OFD1: variants seen among roughly 807,000 people sequenced by gnomAD.
OFD1 encodes the protein OFD1 centriole and centriolar satellite protein.
Under a neutral mutation model 81.4 loss-of-function variants are expected in OFD1, and 12 were observed. The ratio of observed to expected loss-of-function variants is 0.15; its 90% confidence interval spans 0.09 to 0.24. The LOEUF is 0.24. Ranked by LOEUF, OFD1 falls within the 10% of genes least tolerant of loss-of-function variation. The probability of loss-of-function intolerance (pLI) is 1.00; values close to 1 mark genes in which losing one functional copy is unlikely to be tolerated. For missense variants in OFD1, 685 were observed against 733.9 expected (o/e 0.93, Z 0.77); for synonymous variants, 256 against 263.7 (o/e 0.97, Z 0.28).
At position 13,752,982 on chromosome X, in the gene OFD1, A is replaced by G. The variant is rs2047561508; in HGVS notation, c.1056-386A>G. ...TTGGTTGGGGGTGGGCAGATGGTAC[A>G]GGTGGATTGGAAGTGACCGTCTGAT... is the stretch of plus-strand genomic sequence containing the variant. On this transcript the variant is annotated intron_variant, in intron 10 of 22. Transcript: ENST00000340096. 3.3e-6 allele frequency: 3 copies of G among 900,077 alleles called. No individual in the cohort carries two copies. In the East Asian group the frequency reaches 2.3e-4, roughly 70 times the overall value. 74.2% of individuals were successfully genotyped at this position (900,077 alleles called of 1,213,427 possible).
intron 9 of OFD1, among the ~76,000 whole-genome samples, chrX:13,750,431 A>C (rs900639937): frequency 9.0e-6 from 1 of 111,681 alleles, no homozygotes; most frequent in African/African-American, 3.3e-5. Flanking sequence ...TTCTTAGACT[A>C]GTCAGCATTT....
chrX:13,717,753 C>A, the OFD1 span, among the ~76,000 whole-genome samples: 1 of 111,535 alleles, frequency 9.0e-6, no homozygotes, highest in African/African-American at 3.3e-5. Flanking sequence ...AAAACCCAAG[C>A]CATTTTTCAA....
rs1305586965 is a variant in OFD1 at position 13,734,943 on chromosome X, C to T, written c.-129C>T. 2.7e-6 allele frequency: 3 copies of T among 1,120,514 alleles called. No individual in the cohort carries two copies. The highest frequency in any genetic ancestry group is 2.1e-5 in the South Asian group (1 of 48,470). The allele number at this position is 1,120,514 out of a possible 1,213,427, so 92.3% of individuals were successfully genotyped here. ...GTTCAGCACCTTTGTTCCTCCCGAA[C>T]CCTCGGGACAGAGGCAGGGTTCTGA... On this transcript the variant is annotated 5_prime_UTR_variant, in exon 1 of 23. Transcript: ENST00000340096.
At chrX:13,722,248 C>T in the OFD1 span, 1 of 69,148 alleles carries the variant, frequency 1.4e-5, no homozygotes, top group Non-Finnish European at 3.0e-5. Context: ...AAAGCAGCAG[C>T]AGAAGGAAAT....
At chrX:13,722,208 C>CCAAAAAAAAAAAAAAAAAAAAAAAAAAA in the OFD1 span, 2 of 36,116 alleles carry the variant, frequency 5.5e-5, 1 homozygote, top group African/African-American at 2.4e-4. Context: ...TAAGCAGCAG[C>CCAAAAAAAAAAAAAAAAAAAAAAAAAAA]AAAAAAAAAA....
intron 11 of OFD1, 120 bp from the exon 12 acceptor site, chrX:13,755,031 C>A: frequency 1.8e-6 from 1 of 544,265 alleles, no homozygotes; most frequent in Non-Finnish European, 3.2e-6. Flanking sequence ...CCCGCTACAT[C>A]TGCTATTTGG....
In OFD1 at chrX:13,760,639, G is replaced by A. The variant is rs765933982; in HGVS notation, c.2179G>A (p.Gly727Arg). The change falls in exon 16 of 23, where the codon GGG becomes AGG. Residue 727 changes from glycine (G) to arginine (R), a missense_variant. This residue lies in a region of OFD1 where 259 missense variants were observed against 254.4 expected (regional missense o/e 1.02). Coordinates refer to ENST00000340096, the MANE Select transcript of OFD1 (RefSeq NM_003611.3). ...AGGCAGTGCAGCCTCGAGGCTCCGC[G>A]GGGGCACTTCCTCCAGACGCCTCTC... ...LTGSAASRLR[G>R]GTSSRRLSST... 23 of 1,209,320 alleles carry A rather than the reference G, an allele frequency of 1.9e-5. No individual in the cohort carries two copies. Among genetic ancestry groups the A allele is most frequent in the South Asian group, 5.3e-5 (3 of 56,796 alleles).
At chrX:13,730,522 A>C (rs1407482511), upstream of OFD1, among the ~76,000 whole-genome samples, 1 of 111,754 alleles carries the variant, frequency 8.9e-6, no homozygotes, top group Non-Finnish European at 1.9e-5. Context: ...TTCCTCAAGG[A>C]TCTAGAGGTA....
chrX:13,765,051 G>T (rs1015568277), intron 19 of OFD1, among the ~76,000 whole-genome samples: 2 of 112,341 alleles, frequency 1.8e-5, no homozygotes, highest in Non-Finnish European at 3.8e-5. Flanking sequence ...AATCAACTGA[G>T]TAACTAGGTG....
At chrX:13,758,526 T>G (rs2047801629) in intron 15 of OFD1, 78 bp downstream of exon 15, 1 of 549,792 alleles carries the variant, frequency 1.8e-6, no homozygotes, top group Non-Finnish European at 3.1e-6. Context: ...TGATCATAAT[T>G]TATTGAATAT....
At chrX:13,719,112 G>A in the OFD1 span, among the ~76,000 whole-genome samples, 2 of 111,217 alleles carry the variant, frequency 1.8e-5, no homozygotes, top group Admixed American at 9.6e-5. Flanking sequence ...AGCTGAGATC[G>A]TGTCACTGCA....
chrX:13,741,600 A>G (rs113439778), intron 5 of OFD1, among the ~76,000 whole-genome samples: 2 of 111,971 alleles, frequency 1.8e-5, no homozygotes, highest in African/African-American at 6.5e-5. Flanking sequence ...GAGACCACCA[A>G]ACAGGCTTTG....
Position 13,755,960 on chromosome X carries a change from T to C in OFD1, c.1222-618T>C, listed in dbSNP as rs1319296605. On this transcript the variant is annotated intron_variant, in intron 12 of 22. Transcript: ENST00000340096. ...CCTTTCTTTCCCTTTTTTTTTTTTT[T>C]TTTTTTTTGAGACAGAGTCTTGTTC... 3.1e-5 allele frequency among the ~76,000 whole-genome samples: 3 copies of C among 95,524 alleles called. No homozygotes were observed. In the East Asian group the frequency reaches 9.5e-4, roughly 30 times the overall value. The allele number at this position is 95,524 out of a possible 115,157, so 83.0% of individuals were successfully genotyped here. A position where few individuals can be genotyped will look rare whatever the true frequency, so the allele number is the denominator to read the frequency against.
rs35839446 is a variant in OFD1 at position 13,749,121 on chromosome X, CAA to C, written c.829-288_829-287del. Among the ~76,000 whole-genome samples, 60 of 69,007 alleles carry C rather than the reference CAA, an allele frequency of 8.7e-4. No homozygotes were observed. Among genetic ancestry groups the C allele is most frequent in the South Asian group, 5.5e-3 (7 of 1,263 alleles). The allele number at this position is 69,007 out of a possible 115,157, so 59.9% of individuals were successfully genotyped here. A position where few individuals can be genotyped will look rare whatever the true frequency, so the allele number is the denominator to read the frequency against. ...TGTGTGACAGAGTGAGACCCTGTCT[CAA>C]AAAAAAAAAAAAAAAAATTTTTTTA... On this transcript the variant is annotated intron_variant, in intron 8 of 22. Transcript: ENST00000340096.
In OFD1 at chrX:13,767,175, G is replaced by A. The variant is rs1602938330; in HGVS notation, c.2648G>A (p.Arg883Gln). Residue 883 changes from arginine (R) to glutamine (Q), a missense_variant, in exon 20 of 23, where the codon CGG becomes CAG. This residue lies in a region of OFD1 where 259 missense variants were observed against 254.4 expected (regional missense o/e 1.02). Coordinates refer to ENST00000340096, the MANE Select transcript of OFD1 (RefSeq NM_003611.3). Reference sequence around the variant, plus strand: ...GAACAAAAGGAAGAAGAAAAAATACGGGAACAGCAAGTGAAAGAACGAAGG... The same window carrying A: ...GAACAAAAGGAAGAAGAAAAAATACAGGAACAGCAAGTGAAAGAACGAAGG... ...IEEQKEEEKI[R>Q]EQQVKERRQR... 4 of 1,209,838 alleles carry A rather than the reference G, an allele frequency of 3.3e-6. No homozygotes were observed. Among genetic ancestry groups the A allele is most frequent in the Non-Finnish European group, 4.5e-6 (4 of 893,841 alleles).
At chrX:13,741,821 T>A (rs893375558) in intron 5 of OFD1, among the ~76,000 whole-genome samples, 2 of 111,765 alleles carry the variant, frequency 1.8e-5, no homozygotes, top group Non-Finnish European at 3.8e-5. Context: ...AGAAGAAGAA[T>A]GTCACAAGGT....
chrX:13,761,279 G>T, intron 17 of OFD1, 68 bp downstream of exon 17: 1 of 1,051,572 alleles, frequency 9.5e-7, no homozygotes, highest in Admixed American at 2.7e-5. Context: ...GCCTTCACTT[G>T]TTTTACTGGG....
chrX:13,772,637 C>T (rs2048322149), downstream of OFD1: 5 of 319,267 alleles, frequency 1.6e-5, no homozygotes, highest in Non-Finnish European at 2.8e-5. Context: ...AAAGTATGAA[C>T]GATCATTTTG....
intron 3 of OFD1, among the ~76,000 whole-genome samples, chrX:13,738,533 C>T (rs189202122): frequency 8.9e-6 from 1 of 112,554 alleles, no homozygotes; most frequent in Admixed American, 9.4e-5. Flanking sequence ...GGAACTCAGT[C>T]ATGTAGTCAT....
Sources: gnomAD v4.1 joint callset for allele counts (sites outside exome capture counted in the v4.1 genomes callset) on GRCh38, gnomAD v4.1.1 for gene constraint, gnomAD v4.1.1 regional missense constraint, MANE v1.5 for transcripts, NCBI Gene and HGNC (gene_info 2026-07-23, HGNC 2026-07-21) for gene names.